Variants in CYP4X1 observed in about 807,000 individuals in gnomAD.
The protein encoded by CYP4X1 is cytochrome P450 4X1.
In CYP4X1, 44 loss-of-function variants were observed where a neutral mutation model predicts 57.9. The observed-to-expected ratio is 0.76, with a 90% CI of 0.60 to 0.98. The LOEUF (loss-of-function observed/expected upper bound fraction) is 0.98, where lower values mean the gene tolerates loss of function less well. CYP4X1 is among the 50% of genes least tolerant of loss of function. The pLI is 0.00. For missense variants in CYP4X1, 532 were observed against 623.9 expected, an observed-to-expected ratio of 0.85 and a Z score of 1.57; for synonymous variants, 227 against 228.6, an observed-to-expected ratio of 0.99 and a Z score of 0.06.
chr1:46,992,307 C>T, the CYP4X1 span, among the ~76,000 whole-genome samples: 1 of 152,186 alleles, frequency 6.6e-6, no homozygotes, highest in East Asian at 1.9e-4. Context: ...AGTTCAATGG[C>T]TTTAATGAAA....
chr1:47,026,092 A>C (rs192764799), intron 1 of CYP4X1, among the ~76,000 whole-genome samples: 1 of 152,190 alleles, frequency 6.6e-6, no homozygotes, highest in Non-Finnish European at 1.5e-5. Flanking sequence ...GCTGGGAAGG[A>C]TAGAGGGGAG....
the CYP4X1 span, chr1:46,967,991 G>A: frequency 7.5e-6 from 2 of 267,602 alleles, no homozygotes; most frequent in African/African-American, 4.5e-5. Context: ...TGGTTCTGCA[G>A]TGTGGAAGCC....
the CYP4X1 span, among the ~76,000 whole-genome samples, chr1:46,964,906 C>T: frequency 2.6e-4 from 40 of 152,320 alleles, no homozygotes; most frequent in Admixed American, 5.9e-4. Flanking sequence ...GCTTCCCGGC[C>T]GCTTTGTTTA....
chr1:47,028,223 T>C (rs1644090613), intron 1 of CYP4X1, among the ~76,000 whole-genome samples: 2 of 152,124 alleles, frequency 1.3e-5, no homozygotes, highest in African/African-American at 4.8e-5. Flanking sequence ...GCAGAGAACA[T>C]CTATGTAGCT....
chr1:47,048,590 G>A lies in CYP4X1; in HGVS notation c.1233G>A (p.Trp411Ter), dbSNP rs1395240057. The A allele has an allele frequency of 1.9e-6, 3 of 1,613,942 alleles. No individual in the cohort carries two copies. The highest frequency in any genetic ancestry group is 2.5e-6 in the Non-Finnish European group (3 of 1,179,994). ...GGATCACCGTGGTTCTTAGTATTTG[G>A]GGTCTTCACCACAACCCTGCTGTCT... ...PAGITVVLSIWGLHHNPAVWK... is the reference protein window; with the variant it reads ...PAGITVVLSI Residue 411 changes from tryptophan to a stop codon, truncating the protein, a stop_gained, in exon 10 of 12, where the codon TGG becomes TGA. Transcript: ENST00000371901. LOFTEE classifies it high-confidence loss of function.
chr1:47,030,258 G>A, intron 2 of CYP4X1, 127 bp downstream of exon 2: 1 of 1,210,390 alleles, frequency 8.3e-7, no homozygotes, highest in Non-Finnish European at 1.1e-6. Flanking sequence ...AGTATGGGGA[G>A]GTGACAGGTT....
downstream of CYP4X1, among the ~76,000 whole-genome samples, chr1:47,053,129 C>T (rs1299006534): frequency 6.6e-6 from 1 of 152,046 alleles, no homozygotes; most frequent in Admixed American, 6.5e-5. Flanking sequence ...CACGTGTTCT[C>T]ATTGTTCAAT....
At chr1:47,036,945 A>T (rs1037441685) in intron 6 of CYP4X1, among the ~76,000 whole-genome samples, 3 of 152,214 alleles carry the variant, frequency 2.0e-5, no homozygotes, top group Non-Finnish European at 4.4e-5. Context: ...ACATATGCAC[A>T]CTTACACATA....
intron 4 of CYP4X1, among the ~76,000 whole-genome samples, chr1:47,035,021 T>C (rs1644164472): frequency 6.6e-6 from 1 of 151,422 alleles, no homozygotes; most frequent in Admixed American, 6.6e-5. Context: ...TTTTTAAAAT[T>C]CTCTTTGCCT....
At chr1:47,048,205 C>T (rs1019262797) in intron 9 of CYP4X1, among the ~76,000 whole-genome samples, 8 of 152,140 alleles carry the variant, frequency 5.3e-5, no homozygotes, top group African/African-American at 1.4e-4. Context: ...GCAATGTTCA[C>T]GCCACTGCTC....
rs566129462 is a variant in CYP4X1, at chr1:47,050,049, G to A, written c.1405G>A (p.Ala469Thr). The change falls in exon 12 of 12, where the codon GCC becomes ACC. Residue 469 changes from alanine to threonine, a missense_variant. By Grantham distance (58) the Ala-to-Thr change is moderately conservative. Coordinates refer to ENST00000371901, the MANE Select transcript of CYP4X1 (RefSeq NM_178033.2). Reference protein sequence around the residue: ...FAMIELKVTIALILLHFRVTP... With the variant: ...FAMIELKVTITLILLHFRVTP... ...CATGATTGAGTTAAAGGTAACCATT[G>A]CCTTGATTCTGCTCCACTTCAGAGT... The A allele has an allele frequency of 1.9e-6, 3 of 1,613,948 alleles. No homozygotes were observed. The South Asian group carries it at 3.3e-5, about 18-fold the overall frequency.
At chr1:47,028,657 A>G (rs1332673899) in intron 1 of CYP4X1, among the ~76,000 whole-genome samples, 1 of 152,232 alleles carries the variant, frequency 6.6e-6, no homozygotes, top group African/African-American at 2.4e-5. Context: ...AGGAGTTACA[A>G]AAAGTATAAT....
At chr1:47,016,018 T>G in the CYP4X1 span, among the ~76,000 whole-genome samples, 26 of 152,190 alleles carry the variant, frequency 1.7e-4, no homozygotes, top group African/African-American at 6.3e-4. Context: ...CTTCTACTTA[T>G]TCTCTTAATA....
chr1:47,041,997 G>T (rs1327474335), intron 8 of CYP4X1, among the ~76,000 whole-genome samples: 1 of 152,048 alleles, frequency 6.6e-6, no homozygotes, highest in Non-Finnish European at 1.5e-5. Flanking sequence ...TTCTACTAGT[G>T]CATATCCAGT....
At chr1:46,967,640 G>T in the CYP4X1 span, 2 of 417,552 alleles carry the variant, frequency 4.8e-6, no homozygotes, top group Non-Finnish European at 4.3e-6. Flanking sequence ...GACAGGAGCA[G>T]GGGTGAGGAA....
chr1:46,987,712 A>G, the CYP4X1 span, among the ~76,000 whole-genome samples: 1 of 152,182 alleles, frequency 6.6e-6, no homozygotes, highest in Admixed American at 6.5e-5. Context: ...ATCAAATTAG[A>G]CCTCAGGATT....
chr1:47,015,388 C>T, the CYP4X1 span, among the ~76,000 whole-genome samples: 1 of 152,170 alleles, frequency 6.6e-6, no homozygotes, highest in South Asian at 2.1e-4. Context: ...ATGCCCCCAG[C>T]AATAACCATA....
In CYP4X1 at chr1:47,024,005, G is replaced by A. The variant is rs1398372640; in HGVS notation, c.177+11G>A. Reference sequence around the variant, plus strand: ...CTTGGGCACCAGAAGGTAGATGGGAGGGAGGAGGGAGGAAGGAGGAGGGAG... The same window carrying A: ...CTTGGGCACCAGAAGGTAGATGGGAAGGAGGAGGGAGGAAGGAGGAGGGAG... On this transcript the variant is annotated intron_variant, in intron 1 of 11. Coordinates refer to ENST00000371901, the MANE Select transcript of CYP4X1 (RefSeq NM_178033.2). The A allele has an allele frequency of 8.1e-6, 13 of 1,607,032 alleles. No homozygotes were observed. In the South Asian group the frequency reaches 1.1e-4, roughly 14 times the overall value.
chr1:47,032,306 C>T (rs963293585), intron 3 of CYP4X1, among the ~76,000 whole-genome samples: 1 of 152,072 alleles, frequency 6.6e-6, no homozygotes, highest in Non-Finnish European at 1.5e-5. Context: ...TATTAGGAAC[C>T]ACTTAAATTT....
Sources: gnomAD v4.1 joint callset for allele counts (sites outside exome capture counted in the v4.1 genomes callset) on GRCh38, gnomAD v4.1.1 for gene constraint, MANE v1.5 for transcripts, NCBI Gene and HGNC (gene_info 2026-07-23, HGNC 2026-07-21) for gene names.